Variants in NRXN1 observed in about 807,000 individuals in gnomAD.
NRXN1 encodes neurexin 1.
A neutral mutation model predicts 150.9 loss-of-function variants in NRXN1; 39 were observed. The observed-to-expected ratio is 0.26, with a 90% CI of 0.20 to 0.34. NRXN1 has a LOEUF of 0.34. Ranked by LOEUF, NRXN1 falls within the 10% of genes least tolerant of loss-of-function variation. The probability of loss-of-function intolerance (pLI) is 1.00; values close to 1 mark genes in which losing one functional copy is unlikely to be tolerated. For missense variants in NRXN1, 1,815 were observed against 1,949.9 expected (o/e 0.93, Z 1.30); for synonymous variants, 924 against 757.0 (o/e 1.22, Z -3.62).
At chr2:50,778,512 T>C (rs1490077275) in intron 5 of NRXN1, among the ~76,000 whole-genome samples, 2 of 152,272 alleles carry the variant, frequency 1.3e-5, no homozygotes, top group Admixed American at 1.3e-4. Flanking sequence ...AGGTAGAACC[T>C]TGGTGAGACA....
At chr2:50,846,549 A>T (rs2105953799) in intron 5 of NRXN1, among the ~76,000 whole-genome samples, 1 of 152,344 alleles carries the variant, frequency 6.6e-6, no homozygotes, top group South Asian at 2.1e-4. Flanking sequence ...TTTCAGAAAT[A>T]TGGTGGCAAT....
chr2:50,154,214 C>T (rs2058872436), intron 18 of NRXN1, among the ~76,000 whole-genome samples: 1 of 151,472 alleles, frequency 6.6e-6, no homozygotes, highest in African/African-American at 2.4e-5. Flanking sequence ...ATAGTTTCTT[C>T]AGATAAAGAT....
At chr2:50,761,735 C>A (rs544603223) in intron 5 of NRXN1, among the ~76,000 whole-genome samples, 1 of 151,958 alleles carries the variant, frequency 6.6e-6, no homozygotes, top group African/African-American at 2.4e-5. Context: ...GAAAGGCAGA[C>A]TCACCCTCAA....
chr2:50,780,722 TATTA>T (rs891936893), intron 5 of NRXN1, among the ~76,000 whole-genome samples: 73 of 152,196 alleles, frequency 4.8e-4, no homozygotes, highest in Non-Finnish European at 3.5e-4. Context: ...TTTCTTTGAA[TATTA>T]ATTATGTTGA....
chr2:50,375,275 A>C (rs922303885), intron 17 of NRXN1, among the ~76,000 whole-genome samples: 1 of 151,854 alleles, frequency 6.6e-6, no homozygotes, highest in Non-Finnish European at 1.5e-5. Flanking sequence ...TAATAAAAAC[A>C]ATGATAGTAA....
intron 17 of NRXN1, chr2:50,464,553 C>A (rs2088611567): frequency 6.6e-6 from 1 of 151,932 alleles, no homozygotes; most frequent in African/African-American, 2.4e-5. Flanking sequence ...GCCTCTGCTA[C>A]AAAATCTAAA....
intron 21 of NRXN1, among the ~76,000 whole-genome samples, chr2:49,999,337 A>T (rs1209172248): frequency 6.6e-6 from 1 of 152,130 alleles, no homozygotes; most frequent in East Asian, 1.9e-4. Context: ...CCACCACATA[A>T]ACATATTTCC....
chr2:50,533,925 T>C (rs916753012), intron 10 of NRXN1, among the ~76,000 whole-genome samples: 3 of 152,152 alleles, frequency 2.0e-5, no homozygotes, highest in Non-Finnish European at 4.4e-5. Flanking sequence ...CATTTCACTT[T>C]GTTGAAATGA....
At chr2:50,068,513 C>T (rs565499469) in intron 19 of NRXN1, among the ~76,000 whole-genome samples, 1 of 152,240 alleles carries the variant, frequency 6.6e-6, no homozygotes, top group East Asian at 1.9e-4. Context: ...AGCTCTAATT[C>T]CTAGGTTCAA....
chr2:50,370,375 A>G (rs2079928470), intron 17 of NRXN1, among the ~76,000 whole-genome samples: 1 of 152,020 alleles, frequency 6.6e-6, no homozygotes, highest in Middle Eastern at 3.2e-3. Context: ...CATTCTTAAC[A>G]AGAAACTAAG....
intron 15 of NRXN1, among the ~76,000 whole-genome samples, chr2:50,484,504 G>T (rs1000001): frequency 1.0e-3 from 153 of 152,262 alleles, no homozygotes; most frequent in African/African-American, 3.4e-3. Flanking sequence ...GAAATTAAGG[G>T]CTTTGAGAGC....
intron 21 of NRXN1, among the ~76,000 whole-genome samples, chr2:50,045,447 C>T (rs1691655468): frequency 6.6e-6 from 1 of 152,080 alleles, no homozygotes; most frequent in Admixed American, 6.6e-5. Flanking sequence ...CCAGGTTAAG[C>T]AATCCTTCTG....
chr2:50,662,968 A>G (rs2104656710), intron 5 of NRXN1, among the ~76,000 whole-genome samples: 1 of 152,154 alleles, frequency 6.6e-6, no homozygotes, highest in South Asian at 2.1e-4. Context: ...AGACATCCAG[A>G]AAGCCTAATT....
At chr2:50,742,277 ACTCTTTTTTCTTTTC>A in intron 5 of NRXN1, among the ~76,000 whole-genome samples, 1 of 151,142 alleles carries the variant, frequency 6.6e-6, no homozygotes, top group Non-Finnish European at 1.5e-5. Flanking sequence ...ATATATATAT[ACTCTTTTTTCTTTTC>A]TGCCCTTAAA....
At chr2:50,323,832 G>C (rs575213381) in intron 17 of NRXN1, among the ~76,000 whole-genome samples, 4 of 152,098 alleles carry the variant, frequency 2.6e-5, no homozygotes, top group Non-Finnish European at 5.9e-5. Context: ...ACGACAAGTT[G>C]ACCAAAGTAT....
intron 17 of NRXN1, among the ~76,000 whole-genome samples, chr2:50,243,356 A>T (rs1195600293): frequency 3.3e-5 from 5 of 151,848 alleles, no homozygotes; most frequent in African/African-American, 1.2e-4. Flanking sequence ...GAAGTTTGTC[A>T]TATATAGCAA....
rs1023553570 is a variant in NRXN1, at chr2:50,442,948, T to C, written c.3364+22494A>G. Among the ~76,000 whole-genome samples, 9 of 152,282 alleles carry C rather than the reference T, an allele frequency of 5.9e-5. 1 individual carries two copies. The South Asian group carries it at 1.4e-3, about 25-fold the overall frequency. On this transcript the variant is annotated intron_variant, in intron 17 of 22. Transcript: ENST00000401669. ...GAAAAATATTTAATGAATTTGACAA[T>C]GTGAAGATGATTGGTGTTCTTTGCA...
At position 50,747,841 on chromosome 2, in the gene NRXN1, T is replaced by C. The variant is rs529307687; in HGVS notation, c.833-124226A>G. Among the ~76,000 whole-genome samples the C allele has an allele frequency of 5.3e-5, 8 of 152,262 alleles. No homozygotes were observed. The East Asian group carries it at 1.4e-3, about 26-fold the overall frequency. ...GGCAACATTTTAGAGATGAAGATAC[T>C]GAAGCACACTGTGGTTGAGCAACTT... On this transcript the variant is annotated intron_variant, in intron 5 of 22. Transcript: ENST00000401669.
At chr2:50,217,412 T>C (rs933955368) in intron 18 of NRXN1, among the ~76,000 whole-genome samples, 2 of 151,946 alleles carry the variant, frequency 1.3e-5, no homozygotes, top group Admixed American at 6.6e-5. Context: ...CCATTGACAG[T>C]TGAGAAACTA....
Sources: allele counts gnomAD v4.1 joint callset (sites outside exome capture counted in the v4.1 genomes callset), GRCh38; gene constraint gnomAD v4.1.1; transcripts MANE v1.5; gene names NCBI Gene and HGNC (gene_info 2026-07-23, HGNC 2026-07-21).